The following UNC5D variants were observed in gnomAD, a reference collection of about 807,000 sequenced individuals.
The protein encoded by UNC5D is netrin receptor UNC5D.
In UNC5D, 39 loss-of-function variants were observed where a neutral mutation model predicts 105.4. The ratio of observed to expected loss-of-function variants is 0.37; its 90% CI spans 0.29 to 0.48. UNC5D has a LOEUF of 0.48. UNC5D is among the 20% of genes least tolerant of loss of function. The pLI is 0.98. For synonymous variants in UNC5D, 452 were observed against 450.4 expected, an observed-to-expected ratio of 1.00 and a Z score of -0.04; for missense variants, 991 against 1,202.4, an observed-to-expected ratio of 0.82 and a Z score of 2.60.
intron 1 of UNC5D, among the ~76,000 whole-genome samples, chr8:35,487,593 A>ACACC (rs1415748793): frequency 2.0e-5 from 3 of 150,472 alleles, no homozygotes; most frequent in African/African-American, 7.4e-5. Flanking sequence ...ACACACACAC[A>ACACC]CCCCACAGAC....
chr8:35,237,237 G>C (rs1489147796), intron 1 of UNC5D, among the ~76,000 whole-genome samples: 1 of 138,076 alleles, frequency 7.2e-6, no homozygotes, highest in Non-Finnish European at 1.5e-5. Context: ...AAGCAGGGGA[G>C]GTTTAAAAAT....
intron 1 of UNC5D, among the ~76,000 whole-genome samples, chr8:35,502,419 G>A (rs1454315192): frequency 1.3e-5 from 2 of 152,202 alleles, no homozygotes. Context: ...TATCCCAGAT[G>A]ACCATGGGAG....
intron 1 of UNC5D, among the ~76,000 whole-genome samples, chr8:35,519,920 G>T (rs1813348126): frequency 6.6e-6 from 1 of 152,096 alleles, no homozygotes; most frequent in Non-Finnish European, 1.5e-5. Context: ...GATAATAAGT[G>T]TTTGCAAGGA....
rs1024906272 is a variant in UNC5D at position 35,244,588 on chromosome 8, C to T, written c.103+8701C>T. The stretch of plus-strand genomic sequence containing the variant: ...TTATGAATATATTAAAAATAACATG[C>T]TGTAGTATGGAGTAATTGATGTGTA... On this transcript the variant is annotated intron_variant, in intron 1 of 16. Coordinates refer to ENST00000404895, the MANE Select transcript of UNC5D (RefSeq NM_080872.4). Among the ~76,000 whole-genome samples, 3 of 152,054 alleles carry T rather than the reference C, an allele frequency of 2.0e-5. No homozygotes were observed. In the South Asian group the frequency reaches 6.2e-4, roughly 32 times the overall value.
chr8:35,715,847 A>G (rs936816973), intron 8 of UNC5D, among the ~76,000 whole-genome samples: 2 of 152,180 alleles, frequency 1.3e-5, no homozygotes, highest in Non-Finnish European at 2.9e-5. Context: ...TTTGAGTTGC[A>G]GGGGAGTGAA....
In UNC5D at chr8:35,792,988, G is replaced by A; in HGVS notation, c.*2425G>A. The stretch of plus-strand genomic sequence containing the variant: ...CATGGATTTTTTTTTCCTTTGGCCT[G>A]GGTTTTATAAACAACTTGAACATCA... On this transcript the variant is annotated 3_prime_UTR_variant, in exon 17 of 17. Coordinates refer to ENST00000404895, the MANE Select transcript of UNC5D (RefSeq NM_080872.4). 2.2e-6 allele frequency: 1 copy of A among 452,762 alleles called. No homozygotes were observed. Among genetic ancestry groups the A allele is most frequent in the South Asian group, 1.6e-5 (1 of 63,558 alleles). The allele number at this position is 452,762 out of a possible 1,614,324, so 28.0% of individuals were successfully genotyped here. A position where few individuals can be genotyped will look rare whatever the true frequency, so the allele number is the denominator to read the frequency against.
intron 1 of UNC5D, among the ~76,000 whole-genome samples, chr8:35,393,605 A>C (rs1278603285): frequency 6.6e-6 from 1 of 152,144 alleles, no homozygotes; most frequent in Non-Finnish European, 1.5e-5. Context: ...TCTCAGACAC[A>C]CTGTAGATAG....
At chr8:35,325,878 G>A (rs574942933) in intron 1 of UNC5D, among the ~76,000 whole-genome samples, 1 of 152,226 alleles carries the variant, frequency 6.6e-6, no homozygotes, top group East Asian at 1.9e-4. Flanking sequence ...ATCGTCCTCA[G>A]TATAAAGTTG....
chr8:35,385,589 C>T (rs946025967), intron 1 of UNC5D, among the ~76,000 whole-genome samples: 7 of 151,590 alleles, frequency 4.6e-5, no homozygotes, highest in Admixed American at 6.6e-5. Context: ...CCTCAGCCTC[C>T]GGAATAGCTG....
chr8:35,567,491 TA>T lies in UNC5D; in HGVS notation c.323-597del, dbSNP rs1010448313. ...TCAACATAGTGAGATCCCCATCGCT[TA>T]AAAAAAAAATACTTATTTCAACTTG... On this transcript the variant is annotated intron_variant, in intron 2 of 16. Coordinates refer to ENST00000404895, the MANE Select transcript of UNC5D (RefSeq NM_080872.4). 4.7e-4 allele frequency among the ~76,000 whole-genome samples: 70 copies of T among 149,894 alleles called. No homozygotes were observed. The East Asian group carries it at 8.0e-3, about 17-fold the overall frequency.
chr8:35,421,312 G>T lies in UNC5D; in HGVS notation c.104-127980G>T, dbSNP rs189594430. On this transcript the variant is annotated intron_variant, in intron 1 of 16. Coordinates refer to ENST00000404895, the MANE Select transcript of UNC5D (RefSeq NM_080872.4). ...GGTAACTTGCCCCTACTTGGCAGCT[G>T]TACCTGGAGAGCCAGTGGTGCCATC... Among the ~76,000 whole-genome samples, 21 of 152,276 alleles carry T rather than the reference G, an allele frequency of 1.4e-4. 1 individual carries two copies. Among genetic ancestry groups the T allele is most frequent in the Admixed American group, 7.8e-4 (12 of 15,296 alleles).
At chr8:35,413,955 TA>T in intron 1 of UNC5D, among the ~76,000 whole-genome samples, 1 of 152,204 alleles carries the variant, frequency 6.6e-6, no homozygotes, top group South Asian at 2.1e-4. Flanking sequence ...TGAGGGCTTT[TA>T]AAAAAGACTT....
intron 1 of UNC5D, among the ~76,000 whole-genome samples, chr8:35,520,076 C>T (rs1813361092): frequency 6.6e-6 from 1 of 151,926 alleles, no homozygotes; most frequent in African/African-American, 2.4e-5. Flanking sequence ...ATACTCTACC[C>T]AAGAGAAATG....
At chr8:35,317,983 T>G (rs1405771545) in intron 1 of UNC5D, among the ~76,000 whole-genome samples, 2 of 152,038 alleles carry the variant, frequency 1.3e-5, no homozygotes, top group African/African-American at 4.8e-5. Flanking sequence ...TCCTTTCTTC[T>G]GATGGATAAT....
intron 7 of UNC5D, among the ~76,000 whole-genome samples, chr8:35,702,269 A>G (rs2131429919): frequency 6.6e-6 from 1 of 152,258 alleles, no homozygotes; most frequent in South Asian, 2.1e-4. Context: ...AGCTACCTCA[A>G]GGCATCTTAG....
chr8:35,565,222 C>T (rs1340971072), intron 2 of UNC5D, among the ~76,000 whole-genome samples: 4 of 152,122 alleles, frequency 2.6e-5, no homozygotes, highest in African/African-American at 7.2e-5. Context: ...GTAACTATTC[C>T]CTTTTCACCA....
chr8:35,253,501 T>C (rs1008588058), intron 1 of UNC5D, among the ~76,000 whole-genome samples: 1 of 148,038 alleles, frequency 6.8e-6, no homozygotes, highest in Non-Finnish European at 1.5e-5. Context: ...TTTTCTTTTT[T>C]TTTGAGACAG....
At chr8:35,719,614 A>ATGAC (rs1239959210) in intron 8 of UNC5D, among the ~76,000 whole-genome samples, 4 of 152,182 alleles carry the variant, frequency 2.6e-5, no homozygotes, top group African/African-American at 9.7e-5. Context: ...TAGACAAGAA[A>ATGAC]TGACTGAGAA....
At chr8:35,706,769 A>T (rs765038795) in intron 8 of UNC5D, among the ~76,000 whole-genome samples, 48 of 152,312 alleles carry the variant, frequency 3.2e-4, no homozygotes, top group Non-Finnish European at 5.9e-4. Context: ...CATGCATCAG[A>T]ATCTCAGAGT....
Sources: gnomAD v4.1 joint callset for allele counts (sites outside exome capture counted in the v4.1 genomes callset) on GRCh38, gnomAD v4.1.1 for gene constraint, MANE v1.5 for transcripts, NCBI Gene and HGNC (gene_info 2026-07-23, HGNC 2026-07-21) for gene names.